The following SERPINI1 variants were observed in gnomAD, a reference collection of about 807,000 sequenced individuals.
The protein encoded by SERPINI1 is serpin family I member 1, also known as neuroserpin.
Under a neutral mutation model 41.1 loss-of-function variants are expected in SERPINI1, and 19 were observed. That is an observed-to-expected ratio of 0.46 (90% CI 0.32 to 0.68). The LOEUF (loss-of-function observed/expected upper bound fraction) is 0.68, where lower values mean the gene tolerates loss of function less well. Ranked by LOEUF, SERPINI1 falls within the 30% of genes least tolerant of loss-of-function variation. The pLI, the probability that SERPINI1 is intolerant of heterozygous loss-of-function variation, is 0.03. For missense variants in SERPINI1, 460 were observed against 479.2 expected (o/e 0.96, Z 0.37); for synonymous variants, 138 against 156.6 (o/e 0.88, Z 0.89).
chr3:167,739,656 G>A (rs940727668), intron 1 of SERPINI1, among the ~76,000 whole-genome samples: 2 of 151,992 alleles, frequency 1.3e-5, no homozygotes, highest in Admixed American at 1.3e-4. Context: ...TTATACCTTT[G>A]TTGAAGCTTA....
intron 6 of SERPINI1, among the ~76,000 whole-genome samples, chr3:167,811,644 T>A (rs539117038): frequency 2.6e-4 from 39 of 152,142 alleles, no homozygotes; most frequent in African/African-American, 8.9e-4. Flanking sequence ...TGCTCTGTAG[T>A]GTTTGGAATT....
At chr3:167,741,236 A>G (rs1577394488) in intron 1 of SERPINI1, among the ~76,000 whole-genome samples, 3 of 152,340 alleles carry the variant, frequency 2.0e-5, no homozygotes, top group African/African-American at 7.2e-5. Context: ...TAATGTGGGA[A>G]GGAAAACAGA....
intron 1 of SERPINI1, among the ~76,000 whole-genome samples, chr3:167,751,047 T>C (rs527644006): frequency 2.8e-4 from 42 of 152,198 alleles, no homozygotes; most frequent in African/African-American, 9.4e-4. Flanking sequence ...AAAAAAAGAA[T>C]AGAAAATCCA....
intron 1 of SERPINI1, among the ~76,000 whole-genome samples, chr3:167,768,768 T>C (rs1726644964): frequency 6.6e-6 from 1 of 152,218 alleles, no homozygotes; most frequent in African/African-American, 2.4e-5. Context: ...ATTTCTGAGA[T>C]GGTTGAAGGG....
At chr3:167,736,289 T>C (rs1442566215) in intron 1 of SERPINI1, among the ~76,000 whole-genome samples, 1 of 152,194 alleles carries the variant, frequency 6.6e-6, no homozygotes, top group Non-Finnish European at 1.5e-5. Flanking sequence ...TCCAGGGTGG[T>C]TATTTTGCAG....
At chr3:167,789,437 G>A (rs539073999) in intron 2 of SERPINI1, 59 bp downstream of exon 2, 4 of 1,589,962 alleles carry the variant, frequency 2.5e-6, no homozygotes, top group African/African-American at 1.3e-5. Context: ...ACTCAGTTAT[G>A]TTGTATTCTT....
intron 1 of SERPINI1, among the ~76,000 whole-genome samples, chr3:167,751,179 A>T (rs902931788): frequency 6.6e-6 from 1 of 152,006 alleles, no homozygotes; most frequent in Non-Finnish European, 1.5e-5. Context: ...GAAAAAAAAG[A>T]TTTTCTTTAG....
chr3:167,754,070 TC>T (rs1726125381), intron 1 of SERPINI1, among the ~76,000 whole-genome samples: 1 of 152,248 alleles, frequency 6.6e-6, no homozygotes, highest in Admixed American at 6.5e-5. Context: ...ATATTTATAC[TC>T]CCAGTAACTG....
At chr3:167,805,446 T>C (rs985127066) in intron 5 of SERPINI1, among the ~76,000 whole-genome samples, 2 of 152,226 alleles carry the variant, frequency 1.3e-5, no homozygotes, top group Non-Finnish European at 2.9e-5. Context: ...TATTAGACCT[T>C]GTCAGATGGA....
At chr3:167,786,503 G>A (rs1382382643) in intron 1 of SERPINI1, among the ~76,000 whole-genome samples, 4 of 86,310 alleles carry the variant, frequency 4.6e-5, no homozygotes, top group South Asian at 6.2e-4. Flanking sequence ...GGGAGACTCC[G>A]TCTCAAAAAA....
intron 1 of SERPINI1, among the ~76,000 whole-genome samples, chr3:167,753,566 T>C (rs1436798514): frequency 6.6e-6 from 1 of 152,104 alleles, no homozygotes; most frequent in Non-Finnish European, 1.5e-5. Flanking sequence ...CTATGAAGAT[T>C]GGGGGTGGGG....
At chr3:167,800,689 A>G (rs865881481) in intron 5 of SERPINI1, among the ~76,000 whole-genome samples, 4 of 152,230 alleles carry the variant, frequency 2.6e-5, no homozygotes, top group South Asian at 2.1e-4. Context: ...CTATTTTGTA[A>G]CCAGAAACTA....
intron 1 of SERPINI1, among the ~76,000 whole-genome samples, chr3:167,782,552 G>A (rs1056772298): frequency 1.3e-5 from 2 of 152,112 alleles, no homozygotes; most frequent in Non-Finnish European, 2.9e-5. Flanking sequence ...TTAATTAGGT[G>A]CTCATTCTGA....
At chr3:167,768,377 C>T (rs578189642) in intron 1 of SERPINI1, among the ~76,000 whole-genome samples, 2 of 152,262 alleles carry the variant, frequency 1.3e-5, no homozygotes, top group East Asian at 3.9e-4. Context: ...GTAAGCATAA[C>T]TTTTATATAC....
intron 4 of SERPINI1, among the ~76,000 whole-genome samples, chr3:167,794,100 T>C (rs1727633610): frequency 6.6e-6 from 1 of 152,156 alleles, no homozygotes; most frequent in Non-Finnish European, 1.5e-5. Flanking sequence ...TATTGATCAA[T>C]GTGCTTTGCA....
chr3:167,806,703 C>A lies in SERPINI1; in HGVS notation c.882-541C>A, dbSNP rs1711657786. ...GCTGAAATGCTAAATGTATTTATTG[C>A]AAAATAGAATTTGGGTCTAATTTAA... is the stretch of plus-strand genomic sequence containing the variant. On this transcript the variant is annotated intron_variant, in intron 5 of 8. Transcript: ENST00000446050. 2.0e-5 allele frequency among the ~76,000 whole-genome samples: 3 copies of A among 152,052 alleles called. No homozygotes were observed. In the South Asian group the frequency reaches 6.2e-4, roughly 32 times the overall value.
intron 6 of SERPINI1, among the ~76,000 whole-genome samples, chr3:167,808,571 C>T (rs1711745311): frequency 6.6e-6 from 1 of 151,996 alleles, no homozygotes; most frequent in South Asian, 2.1e-4. Context: ...TTATTTAACC[C>T]AAATTTCCAA....
At chr3:167,795,389 C>T (rs1727678277) in intron 5 of SERPINI1, among the ~76,000 whole-genome samples, 1 of 152,140 alleles carries the variant, frequency 6.6e-6, no homozygotes, top group African/African-American at 2.4e-5. Flanking sequence ...AATGCCATCC[C>T]CTTCTCAACC....
At chr3:167,773,955 TAAGAA>T (rs1378568584) in intron 1 of SERPINI1, among the ~76,000 whole-genome samples, 1 of 152,204 alleles carries the variant, frequency 6.6e-6, no homozygotes, top group Non-Finnish European at 1.5e-5. Context: ...TTTTTGTGAT[TAAGAA>T]AGAGCCACTT....
Sources: gnomAD v4.1 joint callset for allele counts (sites outside exome capture counted in the v4.1 genomes callset) on GRCh38, gnomAD v4.1.1 for gene constraint, MANE v1.5 for transcripts, NCBI Gene and HGNC (gene_info 2026-07-23, HGNC 2026-07-21) for gene names.